The following C8orf34 variants were observed in gnomAD, a reference collection of about 807,000 sequenced individuals.
C8orf34 encodes uncharacterized protein C8orf34.
C8orf34 carries 65 observed loss-of-function variants against 68.3 expected under a neutral mutation model. The observed-to-expected ratio is 0.95, with a 90% CI of 0.78 to 1.17. The LOEUF is 1.17. Among genes scored for constraint, C8orf34 ranks in the 50% most tolerant of loss-of-function variants. The probability of loss-of-function intolerance (pLI) is 0.00; values close to 1 mark genes in which losing one functional copy is unlikely to be tolerated. For synonymous variants in C8orf34, 244 were observed against 241.2 expected (o/e 1.01, Z -0.11); for missense variants, 664 against 655.4 (o/e 1.01, Z -0.14).
At chr8:68,610,019 C>T (rs1045212762) in intron 7 of C8orf34, among the ~76,000 whole-genome samples, 12 of 152,118 alleles carry the variant, frequency 7.9e-5, no homozygotes, top group African/African-American at 2.4e-4. Context: ...TCAAGTGCAT[C>T]GTTATCTCTC....
At chr8:68,630,270 TATTTA>T (rs1354790796) in intron 7 of C8orf34, among the ~76,000 whole-genome samples, 1 of 152,118 alleles carries the variant, frequency 6.6e-6, no homozygotes, top group Non-Finnish European at 1.5e-5. Context: ...TAGCACATTT[TATTTA>T]AACTGGAATA....
At chr8:68,697,764 G>A (rs535527432) in intron 8 of C8orf34, among the ~76,000 whole-genome samples, 336 of 152,190 alleles carry the variant, frequency 2.2e-3, no homozygotes, top group African/African-American at 7.7e-3. Flanking sequence ...CCCATGGACT[G>A]CTCTCACTGC....
intron 10 of C8orf34, among the ~76,000 whole-genome samples, chr8:68,752,820 T>C (rs1822746519): frequency 6.6e-6 from 1 of 152,174 alleles, no homozygotes; most frequent in Non-Finnish European, 1.5e-5. Context: ...TGGAATTCTA[T>C]ACTTCATAGA....
chr8:68,679,023 A>G (rs958384708), intron 8 of C8orf34, among the ~76,000 whole-genome samples: 5 of 152,106 alleles, frequency 3.3e-5, no homozygotes, highest in Non-Finnish European at 5.9e-5. Context: ...CTAATAGGCC[A>G]GGCACGGTGG....
At chr8:68,498,840 C>T (rs950456320) in intron 5 of C8orf34, among the ~76,000 whole-genome samples, 28 of 152,138 alleles carry the variant, frequency 1.8e-4, no homozygotes, top group African/African-American at 6.8e-4. Flanking sequence ...TTCTAAATAG[C>T]ATTTGCTTTT....
At chr8:68,590,057 AAAC>A (rs1237312431) in intron 7 of C8orf34, among the ~76,000 whole-genome samples, 3 of 150,992 alleles carry the variant, frequency 2.0e-5, no homozygotes, top group Non-Finnish European at 4.4e-5. Context: ...AGGAGGGAGA[AAAC>A]AAGAAAAGAA....
rs577121960 is a variant in C8orf34, at chr8:68,459,846, C to T, written c.608-8846C>T. On this transcript the variant is annotated intron_variant, in intron 3 of 13. Coordinates refer to ENST00000518698, the MANE Select transcript of C8orf34 (RefSeq NM_052958.4). ...AAATAGGAACAGCTCCGGTCTACAG[C>T]TCCCAGTGTGAGTGACGCAGAAGAC... 1.6e-4 allele frequency among the ~76,000 whole-genome samples: 24 copies of T among 152,290 alleles called. No homozygotes were observed. In the South Asian group the frequency reaches 3.3e-3, roughly 21 times the overall value.
At chr8:68,654,432 C>T (rs905587891) in intron 8 of C8orf34, among the ~76,000 whole-genome samples, 1 of 152,040 alleles carries the variant, frequency 6.6e-6, no homozygotes, top group South Asian at 2.1e-4. Context: ...GCTTTCTGCC[C>T]TTGTTCACTT....
At chr8:68,705,204 A>T (rs970778370) in intron 8 of C8orf34, among the ~76,000 whole-genome samples, 1 of 152,162 alleles carries the variant, frequency 6.6e-6, no homozygotes, top group Admixed American at 6.6e-5. Context: ...GGGTACACCA[A>T]TCTTGAGCTG....
chr8:68,408,968 TAGTAGAGACGCGGTTTC>T (rs1408590557), intron 1 of C8orf34, among the ~76,000 whole-genome samples: 1 of 152,164 alleles, frequency 6.6e-6, no homozygotes, highest in Non-Finnish European at 1.5e-5. Flanking sequence ...TTTGTATTTT[TAGTAGAGACGCGGTTTC>T]ACCATGTTGG....
At chr8:68,543,099 T>C (rs879725643) in intron 7 of C8orf34, among the ~76,000 whole-genome samples, 4 of 152,194 alleles carry the variant, frequency 2.6e-5, no homozygotes, top group Non-Finnish European at 5.9e-5. Flanking sequence ...AGGATCTTAA[T>C]ATTCTTAGTT....
intron 1 of C8orf34, among the ~76,000 whole-genome samples, chr8:68,346,928 A>G (rs530761642): frequency 6.6e-6 from 1 of 152,218 alleles, no homozygotes; most frequent in Non-Finnish European, 1.5e-5. Flanking sequence ...AGGCTTCTAC[A>G]TGGACATAAG....
chr8:68,715,250 A>G (rs1369202547), intron 9 of C8orf34, among the ~76,000 whole-genome samples: 1 of 152,214 alleles, frequency 6.6e-6, no homozygotes, highest in Non-Finnish European at 1.5e-5. Flanking sequence ...AGCAAGTGCA[A>G]CAAAAACAAA....
intron 1 of C8orf34, among the ~76,000 whole-genome samples, chr8:68,423,976 C>T (rs1239226744): frequency 6.6e-6 from 1 of 152,152 alleles, no homozygotes; most frequent in Non-Finnish European, 1.5e-5. Context: ...TGATTACCTC[C>T]ACCTAGTCCT....
Position 68,463,475 on chromosome 8 carries a change from A to G in C8orf34, c.608-5217A>G, listed in dbSNP as rs570785409. ...CATCATCCTGATACCAAAGCCGGGC[A>G]GAGACAAAACCAAAAAAGAGAATTT... On this transcript the variant is annotated intron_variant, in intron 3 of 13. Coordinates refer to ENST00000518698, the MANE Select transcript of C8orf34 (RefSeq NM_052958.4). 2.7e-3 allele frequency among the ~76,000 whole-genome samples: 408 copies of G among 152,352 alleles called. 2 individuals are homozygous for G. Among genetic ancestry groups the G allele is most frequent in the South Asian group, 7.5e-3 (36 of 4,826 alleles).
chr8:68,682,517 G>A (rs974523598), intron 8 of C8orf34, among the ~76,000 whole-genome samples: 1 of 151,862 alleles, frequency 6.6e-6, no homozygotes, highest in Non-Finnish European at 1.5e-5. Context: ...CCTCATAAAA[G>A]GGCAACTTAT....
intron 7 of C8orf34, among the ~76,000 whole-genome samples, chr8:68,538,486 G>A (rs1476231661): frequency 6.9e-6 from 1 of 144,302 alleles, no homozygotes; most frequent in African/African-American, 2.5e-5. Context: ...TTTTCTTTTT[G>A]TCATGGCTAA....
chr8:68,357,374 C>A (rs1206878731), intron 1 of C8orf34, among the ~76,000 whole-genome samples: 1 of 152,092 alleles, frequency 6.6e-6, no homozygotes, highest in Non-Finnish European at 1.5e-5. Flanking sequence ...CAAAAAGTTT[C>A]AGCTTTCGAT....
At chr8:68,550,775 T>G (rs1002014905) in intron 7 of C8orf34, among the ~76,000 whole-genome samples, 1 of 150,722 alleles carries the variant, frequency 6.6e-6, no homozygotes, top group Non-Finnish European at 1.5e-5. Flanking sequence ...GTTTTTGTGT[T>G]TTTTTTTTCC....
Sources: gnomAD v4.1 joint callset for allele counts (sites outside exome capture counted in the v4.1 genomes callset) on GRCh38, gnomAD v4.1.1 for gene constraint, MANE v1.5 for transcripts, NCBI Gene and HGNC (gene_info 2026-07-23, HGNC 2026-07-21) for gene names.